HLF: variants seen among roughly 807,000 people sequenced by gnomAD.
The protein encoded by HLF is HLF transcription factor, PAR bZIP family member, also known as hepatic leukemia factor.
In HLF, 3 loss-of-function variants were observed where a neutral mutation model predicts 22.6. That is an observed-to-expected ratio of 0.13 (90% CI 0.06 to 0.34). The LOEUF is 0.34. HLF is among the 10% of genes least tolerant of loss of function. The pLI, the probability that HLF is intolerant of heterozygous loss-of-function variation, is 1.00. For missense variants in HLF, 299 were observed against 389.2 expected (o/e 0.77, Z 1.95); for synonymous variants, 151 against 151.8 (o/e 0.99, Z 0.04).
In HLF at chr17:55,268,140, C is replaced by G. The variant is rs1398896017; in HGVS notation, c.451+54C>G. 3 of 1,285,458 alleles carry G rather than the reference C, an allele frequency of 2.3e-6. No individual in the cohort carries two copies. The African/African-American group carries it at 4.5e-5, about 19-fold the overall frequency. 79.6% of individuals were successfully genotyped at this position (1,285,458 alleles called of 1,614,324 possible). On this transcript the variant is annotated intron_variant, in intron 2 of 3. Coordinates refer to ENST00000226067, the MANE Select transcript of HLF (RefSeq NM_002126.5). ...AAAGGGAGGAGGAGGGTGAATGGGA[C>G]AGGCAAGGTAGAGTTAGCATAAACA... is the stretch of plus-strand genomic sequence containing the variant.
intron 2 of HLF, among the ~76,000 whole-genome samples, chr17:55,312,675 G>C (rs904966216): frequency 1.2e-4 from 19 of 152,108 alleles, no homozygotes; most frequent in African/African-American, 4.6e-4. Context: ...AGATGTTAAG[G>C]GTGATCACCT....
At chr17:55,316,036 A>G (rs557735999) in intron 3 of HLF, among the ~76,000 whole-genome samples, 1 of 152,214 alleles carries the variant, frequency 6.6e-6, no homozygotes, top group Non-Finnish European at 1.5e-5. Context: ...TCACCGCTAG[A>G]TTAATTCTAA....
In HLF at chr17:55,323,705, G is replaced by A. The variant is rs1049286453; in HGVS notation, c.*2826G>A. 5 of 229,988 alleles carry A rather than the reference G, an allele frequency of 2.2e-5. No homozygotes were observed. The highest frequency in any genetic ancestry group is 4.3e-5 in the Non-Finnish European group (5 of 115,790). 14.2% of individuals were successfully genotyped at this position (229,988 alleles called of 1,614,324 possible). On this transcript the variant is annotated 3_prime_UTR_variant, in exon 4 of 4. Coordinates refer to ENST00000226067, the MANE Select transcript of HLF (RefSeq NM_002126.5). ...TCCAGGGCAGTTAACTAGCAAACAA[G>A]GCAGATCTGCTTCATGGAGCGGGAG...
chr17:55,294,222 C>T (rs2081091713), intron 2 of HLF, among the ~76,000 whole-genome samples: 1 of 152,184 alleles, frequency 6.6e-6, no homozygotes, highest in African/African-American at 2.4e-5. Flanking sequence ...TCCTTGTGCC[C>T]ACACTATGCT....
At chr17:55,280,507 G>A (rs2080943887) in intron 2 of HLF, among the ~76,000 whole-genome samples, 1 of 152,228 alleles carries the variant, frequency 6.6e-6, no homozygotes, top group African/African-American at 2.4e-5. Flanking sequence ...GGAAGATCTT[G>A]AGTGGGTAAG....
intron 1 of HLF, chr17:55,265,854 C>T (rs946159494): frequency 2.4e-6 from 3 of 1,252,246 alleles, no homozygotes; most frequent in Admixed American, 8.8e-5. Context: ...GGGTCCCGCT[C>T]CTGCGGCGCG....
chr17:55,274,964 T>G (rs1411174476), intron 2 of HLF, among the ~76,000 whole-genome samples: 1 of 152,224 alleles, frequency 6.6e-6, no homozygotes, highest in Non-Finnish European at 1.5e-5. Flanking sequence ...CTCTCCTGCT[T>G]CTCTGCCAAG....
intron 2 of HLF, among the ~76,000 whole-genome samples, chr17:55,290,959 A>G (rs2081056129): frequency 6.6e-6 from 1 of 152,220 alleles, no homozygotes; most frequent in Non-Finnish European, 1.5e-5. Flanking sequence ...TAAACCATCC[A>G]CAACATTCCC....
rs570241032 is a variant in HLF at position 55,305,330 on chromosome 17, G to T, written c.452-9897G>T. On this transcript the variant is annotated intron_variant, in intron 2 of 3. Coordinates refer to ENST00000226067, the MANE Select transcript of HLF (RefSeq NM_002126.5). Reference sequence around the variant, plus strand: ...GCCATTCAGGAGGATGGAGGAAGTGGACGAGAGAGAGGGAGGTAAAAGAAG... The same window carrying T: ...GCCATTCAGGAGGATGGAGGAAGTGTACGAGAGAGAGGGAGGTAAAAGAAG... Among the ~76,000 whole-genome samples the T allele has an allele frequency of 3.5e-4, 54 of 152,350 alleles. No homozygotes were observed. The Middle Eastern group carries it at 0.017, about 48-fold the overall frequency.
intron 2 of HLF, among the ~76,000 whole-genome samples, chr17:55,284,936 A>G (rs1401906596): frequency 6.6e-6 from 1 of 152,120 alleles, no homozygotes; most frequent in Non-Finnish European, 1.5e-5. Context: ...CCCAAGATAT[A>G]GATATATATA....
At position 55,265,439 on chromosome 17, in the gene HLF, C is replaced by CTTTA. The variant is rs1307455155; in HGVS notation, c.-43_-42insATTT. 1 of 1,240,668 alleles carries CTTTA rather than the reference C, an allele frequency of 8.1e-7. No individual in the cohort carries two copies. Among genetic ancestry groups the CTTTA allele is most frequent in the East Asian group, 2.4e-5 (1 of 41,330 alleles). The allele number at this position is 1,240,668 out of a possible 1,614,324, so 76.9% of individuals were successfully genotyped here. A position where few individuals can be genotyped will look rare whatever the true frequency, so the allele number is the denominator to read the frequency against. On this transcript the variant is annotated 5_prime_UTR_variant, in exon 1 of 4. Coordinates refer to ENST00000226067, the MANE Select transcript of HLF (RefSeq NM_002126.5). The stretch of plus-strand genomic sequence containing the variant: ...GCAACATTTTAGGGGGCGGTTGTTT[C>CTTTA]TTTCTTATTTCTTTTTTTAAGGGGA...
At position 55,279,550 on chromosome 17, in the gene HLF, C is replaced by T. The variant is rs1444463457; in HGVS notation, c.451+11464C>T. 2.6e-5 allele frequency among the ~76,000 whole-genome samples: 4 copies of T among 151,920 alleles called. No homozygotes were observed. In the East Asian group the frequency reaches 5.8e-4, roughly 22 times the overall value. On this transcript the variant is annotated intron_variant, in intron 2 of 3. Coordinates refer to ENST00000226067, the MANE Select transcript of HLF (RefSeq NM_002126.5). ...AGAGTTCAAGACCAACCTGGGTAACCGAGTGAGACCCCATCTCTACATTAT... is the reference window on the plus strand; with the variant it reads ...AGAGTTCAAGACCAACCTGGGTAACTGAGTGAGACCCCATCTCTACATTAT...
At position 55,315,246 on chromosome 17, in the gene HLF, C is replaced by T. The variant is rs745584891; in HGVS notation, c.471C>T (p.Asn157=). ...PIRPGQLLPA[N]RNTPSPIDPD... is the part of the protein sequence containing the mutation. Reference sequence around the variant, plus strand: ...TTCCAGGTCAGCTGTTGCCAGCAAACCGCAATACACCAAGTCCCATTGATC... The same window carrying T: ...TTCCAGGTCAGCTGTTGCCAGCAAATCGCAATACACCAAGTCCCATTGATC... The change falls in exon 3 of 4, where the codon AAC becomes AAT. Residue 157 remains asparagine, a synonymous_variant. Coordinates refer to ENST00000226067, the MANE Select transcript of HLF (RefSeq NM_002126.5). The T allele has an allele frequency of 5.6e-6, 9 of 1,614,032 alleles. No homozygotes were observed. In the South Asian group the frequency reaches 6.6e-5, roughly 12 times the overall value.
chr17:55,316,965 G>GTT (rs35293604), intron 3 of HLF, among the ~76,000 whole-genome samples: 2,558 of 107,044 alleles, frequency 0.024, 180 homozygotes, highest in African/African-American at 0.068. Context: ...TTTTTATGGT[G>GTT]TTTTTTTTTT....
At chr17:55,267,221 G>C (rs1443635185) in intron 1 of HLF, among the ~76,000 whole-genome samples, 1 of 152,142 alleles carries the variant, frequency 6.6e-6, no homozygotes, top group Admixed American at 6.5e-5. Context: ...AAAGAACCAG[G>C]TATCCAGTAG....
chr17:55,294,559 G>A (rs2081094752), intron 2 of HLF, among the ~76,000 whole-genome samples: 11 of 152,204 alleles, frequency 7.2e-5, no homozygotes, highest in Admixed American at 7.2e-4. Flanking sequence ...TCCCCTTTCT[G>A]TGTGTAAGGC....
At chr17:55,308,718 C>T (rs1049153620) in intron 2 of HLF, among the ~76,000 whole-genome samples, 1 of 152,210 alleles carries the variant, frequency 6.6e-6, no homozygotes, top group Non-Finnish European at 1.5e-5. Flanking sequence ...CACTCTCCCC[C>T]TATGCAATAA....
chr17:55,306,930 T>C (rs906325890), intron 2 of HLF, among the ~76,000 whole-genome samples: 2 of 152,148 alleles, frequency 1.3e-5, no homozygotes, highest in African/African-American at 2.4e-5. Context: ...CATAGATGCA[T>C]TGAAGGGCAT....
At chr17:55,294,217 G>T (rs2081091691) in intron 2 of HLF, among the ~76,000 whole-genome samples, 1 of 152,192 alleles carries the variant, frequency 6.6e-6, no homozygotes, top group South Asian at 2.1e-4. Flanking sequence ...CATTCTCCTT[G>T]TGCCCACACT....
Sources: gnomAD v4.1 joint callset for allele counts (sites outside exome capture counted in the v4.1 genomes callset) on GRCh38, gnomAD v4.1.1 for gene constraint, MANE v1.5 for transcripts, NCBI Gene and HGNC (gene_info 2026-07-23, HGNC 2026-07-21) for gene names.